AGRN: variants seen among roughly 807,000 people sequenced by gnomAD.
AGRN encodes the protein agrin proteoglycan.
In AGRN, 106 loss-of-function variants were observed where a neutral mutation model predicts 211.0. The observed-to-expected ratio is 0.50, with a 90% CI of 0.43 to 0.59. The LOEUF is 0.59. Ranked by LOEUF, AGRN falls within the 20% of genes least tolerant of loss-of-function variation. AGRN has a pLI of 0.00. For missense variants in AGRN, 3,040 were observed against 2,982.6 expected (o/e 1.02, Z -0.45); for synonymous variants, 1,525 against 1,332.5 (o/e 1.14, Z -3.15).
chr1:1,034,817 T>G, intron 2 of AGRN: 9 of 668,540 alleles, frequency 1.3e-5, no homozygotes, highest in Non-Finnish European at 1.3e-5. Context: ...TTCCCGGGGA[T>G]GGGATGGGTC....
chr1:1,026,898 G>A (rs1479613497), intron 2 of AGRN, among the ~76,000 whole-genome samples: 3 of 152,236 alleles, frequency 2.0e-5, no homozygotes, highest in Non-Finnish European at 4.4e-5. Flanking sequence ...GTGAGCTGCT[G>A]GGAGCTGCAC....
intron 35 of AGRN, 79 bp from the exon 36 acceptor site, chr1:1,054,745 C>T (rs899683460): frequency 6.5e-7 from 1 of 1,527,504 alleles, no homozygotes; most frequent in Non-Finnish European, 8.8e-7. Context: ...TGTGGGCCCC[C>T]TGCTGGTCAC....
intron 3 of AGRN, among the ~76,000 whole-genome samples, chr1:1,039,281 C>G (rs1644871646): frequency 6.6e-6 from 1 of 151,818 alleles, no homozygotes; most frequent in South Asian, 2.1e-4. Context: ...GGATGGCAGG[C>G]GGATGGCCCT....
chr1:1,041,117 CG>C (rs1445301486), intron 4 of AGRN, 55 bp from the exon 5 acceptor site: 2 of 613,924 alleles, frequency 3.3e-6, no homozygotes, highest in Non-Finnish European at 2.1e-6. Flanking sequence ...GGGGCGGGAG[CG>C]GGGCGGGAGC....
At position 1,045,860 on chromosome 1, in the gene AGRN, C is replaced by T. The variant is rs763648358; in HGVS notation, c.2664C>T (p.Pro888=). Residue 888 remains proline (P), a synonymous_variant, in exon 15 of 36, where the codon CCC becomes CCT. Transcript: ENST00000379370. ...GQCPDGRALG[P]AGCEADASAP... is the part of the protein sequence containing the mutation. Reference sequence around the variant, plus strand: ...GTCCAGACGGCCGTGCCCTGGGCCCCGCGGGCTGTGAAGCTGGTGAGTGAG... The same window carrying T: ...GTCCAGACGGCCGTGCCCTGGGCCCTGCGGGCTGTGAAGCTGGTGAGTGAG... 33 of 1,610,818 alleles carry T rather than the reference C, an allele frequency of 2.0e-5. No individual in the cohort carries two copies. Among genetic ancestry groups the T allele is most frequent in the African/African-American group, 1.3e-5 (1 of 74,882 alleles).
chr1:1,047,288 G>A, intron 19 of AGRN, 39 bp from the exon 20 acceptor site: 2 of 1,563,800 alleles, frequency 1.3e-6, no homozygotes, highest in Non-Finnish European at 1.7e-6. Flanking sequence ...TGGATGCCAG[G>A]CAGATGCCAG....
chr1:1,041,101 C>T lies in AGRN; in HGVS notation c.728-72C>T, dbSNP rs1644920500. On this transcript the variant is annotated intron_variant, in intron 4 of 35. Coordinates refer to ENST00000379370, the MANE Select transcript of AGRN (RefSeq NM_198576.4). ...GCGGGGCTGGGAGGGGCCTGGGGGG[C>T]GGAGCGGGGCGGGAGCGGGGCGGGA... is the stretch of plus-strand genomic sequence containing the variant. 1.1e-5 allele frequency: 3 copies of T among 275,066 alleles called. 1 individual carries two copies. The South Asian group carries it at 6.8e-4, about 62-fold the overall frequency. 17.0% of individuals were successfully genotyped at this position (275,066 alleles called of 1,614,324 possible).
chr1:1,054,630 C>A, intron 35 of AGRN, 79 bp downstream of exon 35: 1 of 1,518,288 alleles, frequency 6.6e-7, no homozygotes, highest in South Asian at 1.2e-5. Context: ...CCCCCAGCGC[C>A]CACCCTTGAG....
Position 1,040,880 on chromosome 1 carries a change from G to C in AGRN, c.727G>C (p.Gly243Arg), listed in dbSNP as rs1415776519. The change falls in exon 4 of 36, where the codon GGC (glycine) becomes CGC (arginine). Residue 243 changes from glycine (G) to arginine (R), a missense_variant and splice_region_variant. This residue lies in a region of AGRN where 1,498 missense variants were observed against 1,457.8 expected (regional missense o/e 1.03). Transcript: ENST00000379370. ...RIRLLSRGPC[G>R]SRDPCSNVTC... ...CCGCCTGCTCAGCCGCGGGCCGTGC[G>C]GTGAGCGGGGCGGGGCCGGTGCCTG... 1.3e-6 allele frequency: 2 copies of C among 1,511,322 alleles called. No individual in the cohort carries two copies. Among genetic ancestry groups the C allele is most frequent in the Non-Finnish European group, 1.8e-6 (2 of 1,137,912 alleles). 93.6% of individuals were successfully genotyped at this position (1,511,322 alleles called of 1,614,324 possible). A position where few individuals can be genotyped will look rare whatever the true frequency, so the allele number is the denominator to read the frequency against.
rs775547243 is a variant in AGRN at position 1,053,962 on chromosome 1, G to A, written c.5861G>A (p.Arg1954Gln). Reference sequence around the variant, plus strand: ...CCCGTCAACACCAACCGCTGGTTGCGGGTCGTGGCACATAGGTGAGTAGGG... The same window carrying A: ...CCCGTCAACACCAACCGCTGGTTGCAGGTCGTGGCACATAGGTGAGTAGGG... ...TVPVNTNRWLRVVAHREQREG... is the reference protein window; with the variant it reads ...TVPVNTNRWLQVVAHREQREG... The change falls in exon 34 of 36, where the codon CGG becomes CAG. Residue 1954 changes from arginine to glutamine, a missense_variant. Arg to Gln is a conservative substitution (Grantham distance 43). Coordinates refer to ENST00000379370, the MANE Select transcript of AGRN (RefSeq NM_198576.4). 1.0e-5 allele frequency: 16 copies of A among 1,601,028 alleles called. No homozygotes were observed. Among genetic ancestry groups the A allele is most frequent in the African/African-American group, 9.4e-5 (7 of 74,770 alleles).
In AGRN at chr1:1,048,849, C is replaced by A. The variant is rs919606136; in HGVS notation, c.4106-18C>A. The A allele has an allele frequency of 6.6e-7, 1 of 1,525,076 alleles. No homozygotes were observed. The highest frequency in any genetic ancestry group is 2.0e-5 in the Admixed American group (1 of 50,144). The allele number at this position is 1,525,076 out of a possible 1,614,324, so 94.5% of individuals were successfully genotyped here. A position where few individuals can be genotyped will look rare whatever the true frequency, so the allele number is the denominator to read the frequency against. ...CCTCGGAGCTTTTCCAGCCGGCCCT[C>A]CCGGTCGCCCTTTGCAGTGCTTGGC... On this transcript the variant is annotated intron_variant, in intron 23 of 35. Transcript: ENST00000379370. This position sits in a 1 kb window ranked among gnomAD's most constrained non-coding sequence, Gnocchi z 5.9.
chr1:1,022,099 G>T, intron 1 of AGRN, 102 bp from the exon 2 acceptor site: 1 of 1,463,884 alleles, frequency 6.8e-7, no homozygotes, highest in Non-Finnish European at 9.5e-7. Flanking sequence ...TCTGCCCAGG[G>T]CTTGAGTCTA....
At chr1:1,030,377 A>G (rs28973204) in intron 2 of AGRN, among the ~76,000 whole-genome samples, 1,672 of 11,512 alleles carry the variant, frequency 0.15, 9 homozygotes, top group East Asian at 0.41. Flanking sequence ...TGAGATCAGC[A>G]TGTGTGTGTG....
intron 2 of AGRN, among the ~76,000 whole-genome samples, chr1:1,029,250 C>T (rs1260385758): frequency 6.6e-6 from 1 of 152,194 alleles, no homozygotes; most frequent in Admixed American, 6.5e-5. Context: ...CAGAGTGTGC[C>T]TGTGTCCACA....
In AGRN at chr1:1,049,595, G is replaced by T; in HGVS notation, c.4544G>T (p.Gly1515Val). The T allele has an allele frequency of 6.3e-7, 1 of 1,590,628 alleles. No individual in the cohort carries two copies. Residue 1515 changes from glycine (G) to valine (V), a missense_variant, in exon 26 of 36, where the codon GGC becomes GTC. Coordinates refer to ENST00000379370, the MANE Select transcript of AGRN (RefSeq NM_198576.4). ...CTGGAGCGGACCTTCGTGGGCGCCG[G>T]CCTGAGGGGGTGCATCCGTTTGCTG... ...VALERTFVGA[G>V]LRGCIRLLDV...
chr1:1,043,501 G>C, intron 8 of AGRN, 37 bp from the exon 9 acceptor site: 4 of 1,602,082 alleles, frequency 2.5e-6, no homozygotes, highest in Non-Finnish European at 3.4e-6. Context: ...GGGAGAGAGA[G>C]GTTCCTGGTC....
Position 1,044,366 on chromosome 1 carries a change from C to A in AGRN, c.2181C>A (p.Thr727=). The A allele has an allele frequency of 6.2e-7, 1 of 1,612,706 alleles. No homozygotes were observed. The highest frequency in any genetic ancestry group is 1.1e-5 in the South Asian group (1 of 91,078). Residue 727 remains threonine (T), a synonymous_variant, in exon 12 of 36, where the codon ACC becomes ACA. Transcript: ENST00000379370. ...GCTCAGATGGGGTCACCTACAGCAC[C>A]GAGTGTGAGCTGAAGAAGGCCAGGT... ...VCGSDGVTYS[T]ECELKKARCE...
chr1:1,044,282 G>C (rs551326689), intron 11 of AGRN, 25 bp downstream of exon 11: 1 of 1,612,322 alleles, frequency 6.2e-7, no homozygotes. Flanking sequence ...CCTGGCTCTC[G>C]GCGGGCGGCG....
intron 19 of AGRN, 170 bp from the exon 20 acceptor site, chr1:1,047,157 C>T (rs1244200287): frequency 3.0e-6 from 4 of 1,350,364 alleles, no homozygotes; most frequent in Admixed American, 2.7e-5. Context: ...CTGAGGAGTC[C>T]TCCTGGTAAC....
Sources: gnomAD v4.1 joint callset for allele counts (sites outside exome capture counted in the v4.1 genomes callset) on GRCh38, gnomAD v4.1.1 for gene constraint, gnomAD v4.1.1 regional missense constraint, Gnocchi (gnomAD v3.1) non-coding constraint, MANE v1.5 for transcripts, NCBI Gene and HGNC (gene_info 2026-07-23, HGNC 2026-07-21) for gene names.